ZNF782: variants seen among roughly 807,000 people sequenced by gnomAD.
The protein encoded by ZNF782 is zinc finger protein 782.
A neutral mutation model predicts 13.0 loss-of-function variants in ZNF782; 12 were observed. The ratio of observed to expected loss-of-function variants is 0.92; its 90% CI spans 0.59 to 1.50. The LOEUF is 1.50. ZNF782 is among the 40% of genes most tolerant of loss of function. The pLI is 0.00. For synonymous variants in ZNF782, 284 were observed against 283.0 expected, an observed-to-expected ratio of 1.00 and a Z score of -0.04; for missense variants, 770 against 822.9, an observed-to-expected ratio of 0.94 and a Z score of 0.79.
Position 96,818,761 on chromosome 9 carries a change from G to C in ZNF782, c.1262C>G (p.Pro421Arg), listed in dbSNP as rs1387722214. Residue 421 changes from proline (P) to arginine (R), a missense_variant, in exon 6 of 6, where the codon CCA becomes CGA. By Grantham distance (103) the Pro-to-Arg change is moderately radical (BLOSUM62 -2). Coordinates refer to ENST00000481138, the MANE Select transcript of ZNF782 (RefSeq NM_001001662.3). Reference sequence around the variant, plus strand: ...TTTATCACATCCATCACATTTGTATGGTTTCTCTCCCGTGTGAGTTCTCTG... The same window carrying C: ...TTTATCACATCCATCACATTTGTATCGTTTCTCTCCCGTGTGAGTTCTCTG... ...KHQRTHTGEK[P>R]YKCDGCDKAF... is the part of the protein sequence containing the mutation. 6.2e-7 allele frequency: 1 copy of C among 1,614,010 alleles called. No individual in the cohort carries two copies. The highest frequency in any genetic ancestry group is 1.7e-5 in the Admixed American group (1 of 60,002).
At chr9:96,887,925 A>G in the ZNF782 span, 1 of 150,364 alleles carries the variant, frequency 6.7e-6, no homozygotes, top group Non-Finnish European at 1.5e-5. Context: ...AAGACAAAAA[A>G]CCAAACACCA....
chr9:96,837,041 T>C (rs1851025211), intron 4 of ZNF782, among the ~76,000 whole-genome samples: 2 of 152,194 alleles, frequency 1.3e-5, no homozygotes, highest in South Asian at 4.1e-4. Flanking sequence ...TTACCCAGTC[T>C]CAGGTATTCT....
intron 1 of ZNF782, among the ~76,000 whole-genome samples, chr9:96,853,508 T>G (rs942340930): frequency 6.6e-6 from 1 of 152,188 alleles, no homozygotes; most frequent in Non-Finnish European, 1.5e-5. Flanking sequence ...ACCATGTTAG[T>G]GGCAAAAATC....
chr9:96,911,510 G>GGTTTT, the ZNF782 span, among the ~76,000 whole-genome samples: 40 of 109,666 alleles, frequency 3.6e-4, 1 homozygote, highest in Non-Finnish European at 6.5e-4. Context: ...TTTTTTTTTT[G>GGTTTT]TTTTTGTTTT....
At chr9:96,901,563 C>T in the ZNF782 span, among the ~76,000 whole-genome samples, 2 of 152,042 alleles carry the variant, frequency 1.3e-5, no homozygotes, top group South Asian at 2.1e-4. Context: ...TGAGCCGCTG[C>T]GCCCAGCCTG....
intron 2 of ZNF782, 87 bp from the exon 3 acceptor site, chr9:96,852,092 G>T: frequency 1.2e-6 from 1 of 832,194 alleles, no homozygotes; most frequent in Non-Finnish European, 2.0e-6. Flanking sequence ...AACCCAGTTG[G>T]AGAGCAGCCT....
chr9:96,839,664 C>G (rs1053721275), intron 4 of ZNF782, among the ~76,000 whole-genome samples: 1 of 152,080 alleles, frequency 6.6e-6, no homozygotes, highest in African/African-American at 2.4e-5. Context: ...TCACTCACCC[C>G]CCCCACCTGC....
chr9:96,848,387 G>A (rs1213706863), intron 3 of ZNF782, among the ~76,000 whole-genome samples: 1 of 152,162 alleles, frequency 6.6e-6, no homozygotes, highest in Admixed American at 6.5e-5. Flanking sequence ...GCTGTTTGTA[G>A]ATGATATGAT....
At chr9:96,876,943 C>CAAAAAAAAAAAAAAAAA (rs398011569), upstream of ZNF782, among the ~76,000 whole-genome samples, 5 of 42,818 alleles carry the variant, frequency 1.2e-4, no homozygotes, top group Non-Finnish European at 1.2e-4. Context: ...AACTCCGACT[C>CAAAAAAAAAAAAAAAAA]AAAAAAAAAA....
Position 96,818,450 on chromosome 9 carries a change from G to T in ZNF782, c.1573C>A (p.His525Asn). 6.2e-7 allele frequency: 1 copy of T among 1,614,042 alleles called. No homozygotes were observed. Among genetic ancestry groups the T allele is most frequent in the East Asian group, 2.2e-5 (1 of 44,862 alleles). ...GGCTTCTCCCCTGTGTGTGTTCTAT[G>T]ATGTTTCCTCAGGCCTGACTTCAGT... Reference protein sequence around the residue: ...FKLKSGLRKHHRTHTGEKPYK... With the variant: ...FKLKSGLRKHNRTHTGEKPYK... The change falls in exon 6 of 6, where the codon CAT becomes AAT. Residue 525 changes from histidine (H) to asparagine (N), a missense_variant. His to Asn is a moderately conservative substitution (Grantham distance 68). Transcript: ENST00000481138.
At chr9:96,914,158 G>A in the ZNF782 span, among the ~76,000 whole-genome samples, 1 of 151,432 alleles carries the variant, frequency 6.6e-6, no homozygotes, top group Non-Finnish European at 1.5e-5. Context: ...GTCTCACGCT[G>A]TCACCCAGGC....
chr9:96,901,575 T>C, the ZNF782 span, among the ~76,000 whole-genome samples: 2 of 152,030 alleles, frequency 1.3e-5, no homozygotes, highest in Admixed American at 1.3e-4. Context: ...CCCAGCCTGA[T>C]AAAAAAACTT....
chr9:96,852,028 T>G, intron 2 of ZNF782, 23 bp from the exon 3 acceptor site: 1 of 1,522,136 alleles, frequency 6.6e-7, no homozygotes, highest in Non-Finnish European at 9.1e-7. Flanking sequence ...AAAGAGGATG[T>G]CACACGGTCT....
At chr9:96,887,767 C>A in the ZNF782 span, 1 of 152,010 alleles carries the variant, frequency 6.6e-6, no homozygotes, top group Non-Finnish European at 1.5e-5. Context: ...TGGAACCAAC[C>A]TAAATGTCCA....
At chr9:96,881,086 T>C in the ZNF782 span, among the ~76,000 whole-genome samples, 1 of 152,136 alleles carries the variant, frequency 6.6e-6, no homozygotes, top group Non-Finnish European at 1.5e-5. Flanking sequence ...ATTAAGCTTT[T>C]AATGTCTGTA....
chr9:96,822,750 TC>T (rs1850469108), intron 5 of ZNF782, among the ~76,000 whole-genome samples: 1 of 152,144 alleles, frequency 6.6e-6, no homozygotes, highest in African/African-American at 2.4e-5. Flanking sequence ...TTTATCTATA[TC>T]CCAAAGGTTC....
At chr9:96,911,424 G>A in the ZNF782 span, among the ~76,000 whole-genome samples, 1 of 91,274 alleles carries the variant, frequency 1.1e-5, no homozygotes, top group Non-Finnish European at 1.9e-5. Context: ...GGGCAACAGA[G>A]CAAGACTCTG....
At chr9:96,903,947 G>A in the ZNF782 span, among the ~76,000 whole-genome samples, 69 of 152,054 alleles carry the variant, frequency 4.5e-4, no homozygotes, top group Middle Eastern at 3.4e-3. Context: ...ATAAAAGGCT[G>A]CCAAGTGTTC....
At chr9:96,931,780 C>G in the ZNF782 span, 13 of 1,611,670 alleles carry the variant, frequency 8.1e-6, no homozygotes, top group African/African-American at 5.4e-5. Flanking sequence ...TGTCTGTGTT[C>G]ACGGCTCTGC....
Sources: gnomAD v4.1 joint callset for allele counts (sites outside exome capture counted in the v4.1 genomes callset) on GRCh38, gnomAD v4.1.1 for gene constraint, MANE v1.5 for transcripts, NCBI Gene and HGNC (gene_info 2026-07-23, HGNC 2026-07-21) for gene names.